Variants in VLDLR observed in about 807,000 individuals in gnomAD.
VLDLR encodes very low density lipoprotein receptor.
A neutral mutation model predicts 112.7 loss-of-function variants in VLDLR; 81 were observed. That is an observed-to-expected ratio of 0.72 (90% CI 0.60 to 0.86). The LOEUF is 0.86. Ranked by LOEUF, VLDLR falls within the 40% of genes least tolerant of loss-of-function variation. The pLI, the probability that VLDLR is intolerant of heterozygous loss-of-function variation, is 0.00. For missense variants in VLDLR, 1,237 were observed against 1,099.4 expected (o/e 1.13, Z -1.77); for synonymous variants, 436 against 384.8 (o/e 1.13, Z -1.56).
In VLDLR at chr9:2,646,635, A is replaced by C. The variant is rs990465785; in HGVS notation, c.1703+83A>C. 2.0e-5 allele frequency: 26 copies of C among 1,295,784 alleles called. 1 individual carries two copies. In the East Asian group the frequency reaches 2.6e-4, roughly 13 times the overall value. 80.3% of individuals were successfully genotyped at this position (1,295,784 alleles called of 1,614,324 possible). On this transcript the variant is annotated intron_variant, in intron 11 of 18. Coordinates refer to ENST00000382100, the MANE Select transcript of VLDLR (RefSeq NM_003383.5). ...TTTCTCATACCTGAATTAGTACTCA[A>C]ATCTCAAGGTTTATGAGCCTTCTGC...
chr9:2,640,061 C>T (rs1176960243), intron 3 of VLDLR, 80 bp downstream of exon 3: 20 of 1,610,626 alleles, frequency 1.2e-5, no homozygotes, highest in Non-Finnish European at 1.5e-5. Flanking sequence ...TAATCTCCTA[C>T]TTGGTATTCA....
intron 11 of VLDLR, 52 bp from the exon 12 acceptor site, chr9:2,647,422 A>C: frequency 6.5e-7 from 1 of 1,534,916 alleles, no homozygotes; most frequent in South Asian, 1.1e-5. Flanking sequence ...AGCTACTACA[A>C]CTTTATTCCT....
Position 2,622,007 on chromosome 9 carries a change from A to T in VLDLR, c.-183A>T. The T allele has an allele frequency of 1.5e-6, 1 of 645,410 alleles. No homozygotes were observed. The highest frequency in any genetic ancestry group is 2.7e-6 in the Non-Finnish European group (1 of 371,938). 40.0% of individuals were successfully genotyped at this position (645,410 alleles called of 1,614,324 possible). On this transcript the variant is annotated 5_prime_UTR_variant, in exon 1 of 19. The change creates a new upstream start codon in the 5' untranslated region. Coordinates refer to ENST00000382100, the MANE Select transcript of VLDLR (RefSeq NM_003383.5). Reference sequence around the variant, plus strand: ...GGGTGGGTGGGGAGGAGACTGTGCAAGTTGTAGGGGAGGGGGTGCCCTCTT... The same window carrying T: ...GGGTGGGTGGGGAGGAGACTGTGCATGTTGTAGGGGAGGGGGTGCCCTCTT...
intron 9 of VLDLR, 44 bp from the exon 10 acceptor site, chr9:2,645,530 C>A: frequency 6.2e-7 from 1 of 1,613,142 alleles, no homozygotes; most frequent in Non-Finnish European, 8.5e-7. Context: ...AAAGACCTTG[C>A]CTTCTTAAAG....
intron 10 of VLDLR, 121 bp downstream of exon 10, chr9:2,645,866 G>C: frequency 1.8e-6 from 2 of 1,131,254 alleles, no homozygotes; most frequent in Non-Finnish European, 2.6e-6. Flanking sequence ...GAATTACCTG[G>C]GGACATTAAA....
At chr9:2,642,790 T>C (rs1268835444) in intron 4 of VLDLR, among the ~76,000 whole-genome samples, 1 of 152,240 alleles carries the variant, frequency 6.6e-6, no homozygotes, top group Admixed American at 6.5e-5. Flanking sequence ...CAACTAGTGA[T>C]AAGATCTGAC....
At chr9:2,645,773 T>A in intron 10 of VLDLR, 28 bp downstream of exon 10, 1 of 1,613,718 alleles carries the variant, frequency 6.2e-7, no homozygotes, top group Non-Finnish European at 8.5e-7. Flanking sequence ...TTGTGGTGTC[T>A]TGACATAAGT....
intron 1 of VLDLR, among the ~76,000 whole-genome samples, chr9:2,627,035 A>C (rs10967218): frequency 2.0e-5 from 3 of 150,186 alleles, no homozygotes; most frequent in Non-Finnish European, 3.0e-5. Context: ...ACCATATGGC[A>C]CCAGGCATGG....
At chr9:2,652,985 GA>G in intron 18 of VLDLR, 36 bp downstream of exon 18, 1 of 1,613,512 alleles carries the variant, frequency 6.2e-7, no homozygotes, top group African/African-American at 1.3e-5. Flanking sequence ...ACCATGGCTT[GA>G]AGTGAGACTT....
At chr9:2,642,805 A>T (rs1275109212) in intron 4 of VLDLR, among the ~76,000 whole-genome samples, 1 of 152,250 alleles carries the variant, frequency 6.6e-6, no homozygotes, top group African/African-American at 2.4e-5. Context: ...TCTGACAAGC[A>T]GTATGTTGAT....
chr9:2,623,123 T>C (rs1198427982), intron 1 of VLDLR, among the ~76,000 whole-genome samples: 1 of 152,216 alleles, frequency 6.6e-6, no homozygotes, highest in East Asian at 1.9e-4. Context: ...GCCTTCATTC[T>C]ACACAATAGC....
At position 2,658,911 on chromosome 9, in the gene VLDLR, G is replaced by A. The variant is rs1324803509; in HGVS notation, c.*5043G>A. On this transcript the variant is annotated 3_prime_UTR_variant, in exon 19 of 19. Transcript: ENST00000382100. ...AAGAGATCTAAGTCTGATATTTAAGGAGTGATAGCATCTTGCATACTTAAG... is the reference window on the plus strand; with the variant it reads ...AAGAGATCTAAGTCTGATATTTAAGAAGTGATAGCATCTTGCATACTTAAG... 1 of 152,128 alleles carries A rather than the reference G, an allele frequency of 6.6e-6. No homozygotes were observed. Among genetic ancestry groups the A allele is most frequent in the Non-Finnish European group, 1.5e-5 (1 of 68,042 alleles). The allele number at this position is 152,128 out of a possible 1,614,324, so 9.4% of individuals were successfully genotyped here.
chr9:2,626,897 C>T (rs1817115404), intron 1 of VLDLR, among the ~76,000 whole-genome samples: 2 of 152,200 alleles, frequency 1.3e-5, no homozygotes, highest in African/African-American at 4.8e-5. Context: ...CTTTCATTTT[C>T]TTAAGAAAGA....
intron 1 of VLDLR, among the ~76,000 whole-genome samples, chr9:2,623,598 C>T (rs1003466910): frequency 5.3e-5 from 8 of 152,212 alleles, no homozygotes; most frequent in Admixed American, 4.6e-4. Flanking sequence ...TTGCCACTGT[C>T]CGGAGCGTGT....
rs1487419614 is a variant in VLDLR, at chr9:2,651,953, C to T, written c.2415C>T (p.Leu805=). The part of the protein sequence containing the change: ...GTSAAWAILP[L]LLLVMAAVGG... ...CTGCCGCATGGGCCATTCTTCCTCT[C>T]TGTAAGTAGATTTCCTACAAGTCTG... is the stretch of plus-strand genomic sequence containing the variant. The change falls in exon 17 of 19, where the codon CTC becomes CTT. Residue 805 remains leucine, a splice_region_variant and synonymous_variant. Transcript: ENST00000382100. 1 of 1,614,028 alleles carries T rather than the reference C, an allele frequency of 6.2e-7. No individual in the cohort carries two copies. Among genetic ancestry groups the T allele is most frequent in the Middle Eastern group, 1.7e-4 (1 of 6,058 alleles).
chr9:2,635,029 C>T (rs1004138008), intron 1 of VLDLR, among the ~76,000 whole-genome samples: 2 of 152,146 alleles, frequency 1.3e-5, no homozygotes, highest in Non-Finnish European at 2.9e-5. Context: ...TCTGGGCAAT[C>T]TGGATTCCTT....
In VLDLR at chr9:2,651,421, C is replaced by T; in HGVS notation, c.2258C>T (p.Ala753Val). The change falls in exon 16 of 19, where the codon GCA becomes GTA. Residue 753 changes from alanine to valine, a missense_variant. Physicochemically the swap from Ala to Val is moderately conservative, Grantham distance 64. Transcript: ENST00000382100. Reference sequence around the variant, plus strand: ...CTTGGTTTTTATAATTCAGGTACTGCAACTACTGTGACTTACAGTGAGACA... The same window carrying T: ...CTTGGTTTTTATAATTCAGGTACTGTAACTACTGTGACTTACAGTGAGACA... ...EENGRDCQST[A>V]TTVTYSETKD... is the part of the protein sequence containing the mutation. The T allele has an allele frequency of 1.2e-6, 2 of 1,613,660 alleles. No homozygotes were observed. The highest frequency in any genetic ancestry group is 1.7e-6 in the Non-Finnish European group (2 of 1,179,712).
rs757212931 is a variant in VLDLR at position 2,621,830 on chromosome 9, G to A, written c.-360G>A. ...CGCCGGTGCGGGTGCTCCGCTACCG[G>A]CTCCTCTCCGTTCTGTGCTCTCTTC... On this transcript the variant is annotated 5_prime_UTR_variant, in exon 1 of 19. Transcript: ENST00000382100. 9 of 519,342 alleles carry A rather than the reference G, an allele frequency of 1.7e-5. No individual in the cohort carries two copies. The highest frequency in any genetic ancestry group is 1.1e-3 in the Middle Eastern group (2 of 1,890). The allele number at this position is 519,342 out of a possible 1,614,324, so 32.2% of individuals were successfully genotyped here. A position where few individuals can be genotyped will look rare whatever the true frequency, so the allele number is the denominator to read the frequency against.
intron 2 of VLDLR, among the ~76,000 whole-genome samples, chr9:2,636,818 A>G (rs923843623): frequency 2.0e-5 from 3 of 152,108 alleles, no homozygotes; most frequent in African/African-American, 7.2e-5. Flanking sequence ...CTTGTCAACT[A>G]TTTTCCTGTT....
Sources: gnomAD v4.1 joint callset for allele counts (sites outside exome capture counted in the v4.1 genomes callset) on GRCh38, gnomAD v4.1.1 for gene constraint, MANE v1.5 for transcripts, NCBI Gene and HGNC (gene_info 2026-07-23, HGNC 2026-07-21) for gene names.